CHST11: variants seen among roughly 807,000 people sequenced by gnomAD.
The protein encoded by CHST11 is carbohydrate sulfotransferase 11, also known as C4S-1.
In CHST11, 9 loss-of-function variants were observed where a neutral mutation model predicts 30.4. The observed-to-expected ratio is 0.30, with a 90% confidence interval of 0.18 to 0.52. The LOEUF is 0.52. CHST11 is among the 20% of genes least tolerant of loss of function. The pLI, the probability that CHST11 is intolerant of heterozygous loss-of-function variation, is 0.97. For missense variants in CHST11, 348 were observed against 460.6 expected (o/e 0.76, Z 2.24); for synonymous variants, 152 against 187.8 (o/e 0.81, Z 1.56).
At chr12:104,595,753 A>G (rs1476750082) in intron 1 of CHST11, among the ~76,000 whole-genome samples, 4 of 152,220 alleles carry the variant, frequency 2.6e-5, no homozygotes, top group Non-Finnish European at 5.9e-5. Context: ...CTACCACCTT[A>G]TAATACAGGC....
At chr12:104,606,115 A>G (rs1448264972) in intron 2 of CHST11, among the ~76,000 whole-genome samples, 1 of 131,930 alleles carries the variant, frequency 7.6e-6, no homozygotes, top group Non-Finnish European at 1.5e-5. Context: ...GGGGTCTCTG[A>G]GGACCAAACA....
Position 104,494,694 on chromosome 12 carries a change from G to C in CHST11, c.118+37165G>C, listed in dbSNP as rs114988638. On this transcript the variant is annotated intron_variant, in intron 1 of 2. Coordinates refer to ENST00000303694, the MANE Select transcript of CHST11 (RefSeq NM_018413.6). ...TTCAGAATAATAACTGTGGGGTGGG[G>C]TGCGGGCTCACTGATTGACTCGGAG... Among the ~76,000 whole-genome samples the C allele has an allele frequency of 3.5e-3, 534 of 152,266 alleles. 1 individual carries two copies. Among genetic ancestry groups the C allele is most frequent in the African/African-American group, 0.012 (483 of 41,540 alleles).
intron 2 of CHST11, among the ~76,000 whole-genome samples, chr12:104,603,687 G>C (rs942485024): frequency 1.3e-5 from 2 of 152,204 alleles, no homozygotes; most frequent in African/African-American, 4.8e-5. Flanking sequence ...AGTATGATTT[G>C]TCATTTTTGT....
Position 104,729,337 on chromosome 12 carries a change from C to T in CHST11, c.205-27612C>T, listed in dbSNP as rs1455890708. On this transcript the variant is annotated intron_variant, in intron 2 of 2. Coordinates refer to ENST00000303694, the MANE Select transcript of CHST11 (RefSeq NM_018413.6). This position sits in a 1 kb window ranked among gnomAD's most constrained non-coding sequence, Gnocchi z 4.0. ...GACCATCTTATCAGTTGTCCTGATG[C>T]TCAAGTGAGAAGACAGGGGACTTGG... 6.6e-6 allele frequency among the ~76,000 whole-genome samples: 1 copy of T among 152,182 alleles called. No homozygotes were observed. Among genetic ancestry groups the T allele is most frequent in the African/African-American group, 2.4e-5 (1 of 41,432 alleles).
intron 2 of CHST11, among the ~76,000 whole-genome samples, chr12:104,604,932 A>T (rs997257216): frequency 6.6e-6 from 1 of 152,182 alleles, no homozygotes; most frequent in Non-Finnish European, 1.5e-5. Context: ...TAATCCTTGT[A>T]ATAATAAGCC....
chr12:104,715,777 C>A (rs7313830), intron 2 of CHST11, among the ~76,000 whole-genome samples: 1 of 152,122 alleles, frequency 6.6e-6, no homozygotes, highest in African/African-American at 2.4e-5. Context: ...CCTTGCTGTC[C>A]CCACCCCTGG....
chr12:104,534,710 T>C lies in CHST11; in HGVS notation c.119-67196T>C, dbSNP rs189974325. ...TTCTGGTGTGAGTGGTGCCTGGCCT[T>C]GAAGCTCTGCTAATCTCCAGACGGC... is the stretch of plus-strand genomic sequence containing the variant. On this transcript the variant is annotated intron_variant, in intron 1 of 2. Transcript: ENST00000303694. Among the ~76,000 whole-genome samples the C allele has an allele frequency of 3.9e-5, 6 of 152,298 alleles. No individual in the cohort carries two copies. In the East Asian group the frequency reaches 1.2e-3, roughly 29 times the overall value.
At position 104,488,737 on chromosome 12, in the gene CHST11, A is replaced by ACG. The variant is rs1491399926; in HGVS notation, c.118+31211_118+31212dup. ...TGTGTGCGTGTATGTGTGTATGTGTACGCGTGTGTGTGTGTGTGTGTGTGT... is the reference window on the plus strand; with the variant it reads ...TGTGTGCGTGTATGTGTGTATGTGTACGCGCGTGTGTGTGTGTGTGTGTGTGT... On this transcript the variant is annotated intron_variant, in intron 1 of 2. Coordinates refer to ENST00000303694, the MANE Select transcript of CHST11 (RefSeq NM_018413.6). 2.9e-3 allele frequency among the ~76,000 whole-genome samples: 233 copies of ACG among 80,434 alleles called. 1 individual carries two copies. The highest frequency in any genetic ancestry group is 0.013 in the African/African-American group (228 of 18,164). The allele number at this position is 80,434 out of a possible 152,430, so 52.8% of individuals were successfully genotyped here. A position where few individuals can be genotyped will look rare whatever the true frequency, so the allele number is the denominator to read the frequency against.
intron 2 of CHST11, among the ~76,000 whole-genome samples, chr12:104,623,018 G>GC (rs1248366280): frequency 1.3e-5 from 2 of 152,226 alleles, no homozygotes; most frequent in Non-Finnish European, 1.5e-5. Context: ...CCAGAGGTCA[G>GC]CAGACGTTTT....
chr12:104,651,498 C>T (rs772796208), intron 2 of CHST11, among the ~76,000 whole-genome samples: 16 of 152,202 alleles, frequency 1.1e-4, no homozygotes, highest in Non-Finnish European at 1.8e-4. Flanking sequence ...TTGGAACCCT[C>T]GCCAAAAGGA....
intron 2 of CHST11, among the ~76,000 whole-genome samples, chr12:104,691,305 T>C (rs539538525): frequency 6.6e-6 from 1 of 152,206 alleles, no homozygotes; most frequent in South Asian, 2.1e-4. Context: ...GAAGGGTGCC[T>C]AGAGAGGGCG....
At chr12:104,477,918 A>G (rs1037243163) in intron 1 of CHST11, among the ~76,000 whole-genome samples, 1 of 152,168 alleles carries the variant, frequency 6.6e-6, no homozygotes, top group African/African-American at 2.4e-5. Context: ...GGAGAAAGGA[A>G]TTCAGTTATG....
At chr12:104,579,423 G>T (rs1471940175) in intron 1 of CHST11, among the ~76,000 whole-genome samples, 1 of 152,122 alleles carries the variant, frequency 6.6e-6, no homozygotes, top group East Asian at 1.9e-4. Context: ...GATTGATCTT[G>T]TGACCTTGGG....
chr12:104,689,252 C>T (rs1234459923), intron 2 of CHST11, among the ~76,000 whole-genome samples: 1 of 152,228 alleles, frequency 6.6e-6, no homozygotes, highest in African/African-American at 2.4e-5. Context: ...TCCTACCCAA[C>T]CTGAAACCTC....
At chr12:104,536,007 C>G (rs747705730) in intron 1 of CHST11, among the ~76,000 whole-genome samples, 21 of 152,142 alleles carry the variant, frequency 1.4e-4, no homozygotes, top group Non-Finnish European at 2.5e-4. Context: ...CAGCAACATA[C>G]AGAGGGGATA....
chr12:104,748,816 GCCTGTCAGA>G (rs1440201720), intron 2 of CHST11, among the ~76,000 whole-genome samples: 1 of 152,156 alleles, frequency 6.6e-6, no homozygotes, highest in African/African-American at 2.4e-5. Context: ...AGGTTCTCAG[GCCTGTCAGA>G]CCTGCTGAGT....
chr12:104,479,730 T>A (rs892963794), intron 1 of CHST11, among the ~76,000 whole-genome samples: 1 of 152,250 alleles, frequency 6.6e-6, no homozygotes, highest in Admixed American at 6.5e-5. Flanking sequence ...CTATTTGGAC[T>A]GAAAATGGCC....
At chr12:104,621,304 G>A (rs954847548) in intron 2 of CHST11, among the ~76,000 whole-genome samples, 5 of 152,224 alleles carry the variant, frequency 3.3e-5, no homozygotes, top group Non-Finnish European at 5.9e-5. Flanking sequence ...CAGTCAAGGC[G>A]ATGGGCTGCA....
rs748540696 is a variant in CHST11, at chr12:104,756,926, T to C, written c.205-23T>C. The C allele has an allele frequency of 5.6e-6, 9 of 1,597,170 alleles. No homozygotes were observed. The South Asian group carries it at 1.0e-4, about 18-fold the overall frequency. ...GTTTCAGGCAAGTACTGAGTTCTTA[T>C]TCGTCTTGTGTCTCCTCTGCAGCTG... On this transcript the variant is annotated intron_variant, in intron 2 of 2. Coordinates refer to ENST00000303694, the MANE Select transcript of CHST11 (RefSeq NM_018413.6).
Sources: gnomAD v4.1 joint callset for allele counts (sites outside exome capture counted in the v4.1 genomes callset) on GRCh38, gnomAD v4.1.1 for gene constraint, Gnocchi (gnomAD v3.1) non-coding constraint, MANE v1.5 for transcripts, NCBI Gene and HGNC (gene_info 2026-07-23, HGNC 2026-07-21) for gene names.